Variants in AASDHPPT observed in about 807,000 individuals in gnomAD.
AASDHPPT encodes the protein L-aminoadipate-semialdehyde dehydrogenase-phosphopantetheinyl transferase.
In AASDHPPT, 23 loss-of-function variants were observed where a neutral mutation model predicts 36.4. That is an observed-to-expected ratio of 0.63 (90% confidence interval 0.45 to 0.89). The LOEUF (loss-of-function observed/expected upper bound fraction) is 0.89, where lower values mean the gene tolerates loss of function less well. AASDHPPT is among the 40% of genes least tolerant of loss of function. AASDHPPT has a pLI of 0.00. For synonymous variants in AASDHPPT, 115 were observed against 128.0 expected (o/e 0.90, Z 0.68); for missense variants, 377 against 378.2 (o/e 1.00, Z 0.03).
In AASDHPPT at chr11:106,079,622, A is replaced by G; in HGVS notation, c.339A>G (p.Gly113=). 1 of 1,614,206 alleles carries G rather than the reference A, an allele frequency of 6.2e-7. No individual in the cohort carries two copies. The highest frequency in any genetic ancestry group is 8.5e-7 in the Non-Finnish European group (1 of 1,180,024). The change falls in exon 2 of 6, where the codon GGA becomes GGG. Residue 113 remains glycine (G), a synonymous_variant. Transcript: ENST00000278618. ...TCAACTTTAACATCTCTCATCAAGG[A>G]GACTATGCAGTGCTTGCTGCTGAAC... is the stretch of plus-strand genomic sequence containing the variant. ...PNFNFNISHQ[G]DYAVLAAEPE... is the part of the protein sequence containing the mutation.
chr11:106,091,275 GT>G, intron 3 of AASDHPPT, 40 bp from the exon 4 acceptor site: 1 of 1,547,432 alleles, frequency 6.5e-7, no homozygotes, highest in East Asian at 2.3e-5. Flanking sequence ...AAAAATTTTT[GT>G]CCACCAAATT....
intron 4 of AASDHPPT, 94 bp from the exon 5 acceptor site, chr11:106,094,485 TATAG>T (rs1347208330): frequency 5.8e-5 from 48 of 826,894 alleles, no homozygotes; most frequent in Middle Eastern, 3.7e-4. Flanking sequence ...TGTATATATA[TATAG>T]AGAGAGAGAG....
intron 3 of AASDHPPT, 78 bp from the exon 4 acceptor site, chr11:106,091,238 C>G: frequency 7.7e-7 from 1 of 1,298,600 alleles, no homozygotes. Flanking sequence ...TTGAAACTCC[C>G]TATCTTTTGG....
chr11:106,077,941 G>T lies in AASDHPPT; in HGVS notation c.183+48G>T, dbSNP rs756208977. 6 of 1,585,826 alleles carry T rather than the reference G, an allele frequency of 3.8e-6. No homozygotes were observed. The Admixed American group carries it at 8.5e-5, about 23-fold the overall frequency. ...TTTAGAGCCTAGGAAGCAGATCTTGGGGGAGGCGGGCCGGGCTGTGGAGAC... is the reference window on the plus strand; with the variant it reads ...TTTAGAGCCTAGGAAGCAGATCTTGTGGGAGGCGGGCCGGGCTGTGGAGAC... On this transcript the variant is annotated intron_variant, in intron 1 of 5. Coordinates refer to ENST00000278618, the MANE Select transcript of AASDHPPT (RefSeq NM_015423.3).
chr11:106,085,155 G>A (rs1861184534), intron 2 of AASDHPPT, among the ~76,000 whole-genome samples: 1 of 151,830 alleles, frequency 6.6e-6, no homozygotes, highest in African/African-American at 2.4e-5. Context: ...AGGCTGGAGT[G>A]CAGTGGCGTG....
chr11:106,084,636 A>C (rs893803810), intron 2 of AASDHPPT, among the ~76,000 whole-genome samples: 3 of 151,456 alleles, frequency 2.0e-5, no homozygotes, highest in Non-Finnish European at 4.4e-5. Context: ...TATATAGCAG[A>C]ATCTTTTTTT....
rs545266531 is a variant in AASDHPPT, at chr11:106,097,686, A to T, written c.*779A>T. 2.6e-5 allele frequency: 4 copies of T among 152,248 alleles called. No homozygotes were observed. In the South Asian group the frequency reaches 8.3e-4, roughly 32 times the overall value. 9.4% of individuals were successfully genotyped at this position (152,248 alleles called of 1,614,324 possible). On this transcript the variant is annotated 3_prime_UTR_variant, in exon 6 of 6. Transcript: ENST00000278618. ...ATTTCGTCTCTCATTTGTTTTATCC[A>T]TGAGGAAGATTTTTAACAAAAGCCT... is the stretch of plus-strand genomic sequence containing the variant.
chr11:106,098,649 TTTGTC>T lies in AASDHPPT; in HGVS notation c.*1748_*1752del, dbSNP rs1456099648. 10 of 152,054 alleles carry T rather than the reference TTTGTC, an allele frequency of 6.6e-5. No homozygotes were observed. The highest frequency in any genetic ancestry group is 2.4e-4 in the African/African-American group (10 of 41,426). The allele number at this position is 152,054 out of a possible 1,614,324, so 9.4% of individuals were successfully genotyped here. On this transcript the variant is annotated 3_prime_UTR_variant, in exon 6 of 6. Coordinates refer to ENST00000278618, the MANE Select transcript of AASDHPPT (RefSeq NM_015423.3). ...TGAGTGTAATGGTGATATGAAAAAC[TTTGTC>T]TTGTCATTATAATAATAAAAAAATG...
chr11:106,080,191 G>A (rs914866008), intron 2 of AASDHPPT, among the ~76,000 whole-genome samples: 1 of 152,030 alleles, frequency 6.6e-6, no homozygotes, highest in Non-Finnish European at 1.5e-5. Context: ...ACAATCAAAC[G>A]TGTATCAAGA....
At chr11:106,091,179 G>GTT in intron 3 of AASDHPPT, 137 bp from the exon 4 acceptor site, 2 of 681,954 alleles carry the variant, frequency 2.9e-6, no homozygotes, top group African/African-American at 1.9e-5. Flanking sequence ...TGCTGTAAGG[G>GTT]TTTTTTTTTA....
At chr11:106,095,068 G>C (rs900192519) in intron 5 of AASDHPPT, among the ~76,000 whole-genome samples, 7 of 152,108 alleles carry the variant, frequency 4.6e-5, no homozygotes, top group Non-Finnish European at 1.0e-4. Flanking sequence ...GGAGGTTGCA[G>C]TGCACCAAGA....
intron 2 of AASDHPPT, among the ~76,000 whole-genome samples, chr11:106,083,708 C>T (rs1048181258): frequency 9.9e-5 from 15 of 151,990 alleles, no homozygotes; most frequent in African/African-American, 3.6e-4. Context: ...TTAAATGGTG[C>T]TGGTAGAATT....
At chr11:106,091,884 A>G (rs2135043928) in intron 4 of AASDHPPT, 1 of 154,494 alleles carries the variant, frequency 6.5e-6, no homozygotes, top group Non-Finnish European at 1.4e-5. Flanking sequence ...CCTGGTTGCT[A>G]GTGAGAGAAG....
intron 2 of AASDHPPT, among the ~76,000 whole-genome samples, chr11:106,085,367 C>T (rs570095683): frequency 5.3e-5 from 8 of 152,312 alleles, no homozygotes; most frequent in Admixed American, 3.9e-4. Context: ...TCCCAAAGTG[C>T]TGGGATTACA....
intron 2 of AASDHPPT, among the ~76,000 whole-genome samples, chr11:106,084,398 AATT>A (rs1380636554): frequency 6.6e-6 from 1 of 152,198 alleles, no homozygotes; most frequent in Non-Finnish European, 1.5e-5. Flanking sequence ...TTCTGCAGAT[AATT>A]ATTAGCTGTA....
At chr11:106,093,292 C>T (rs535961979) in intron 4 of AASDHPPT, 2 of 152,124 alleles carry the variant, frequency 1.3e-5, no homozygotes, top group Admixed American at 6.6e-5. Context: ...TGTACATACA[C>T]CTCTCATTAT....
At position 106,077,755 on chromosome 11, in the gene AASDHPPT, G is replaced by A. The variant is rs1286081650; in HGVS notation, c.45G>A (p.Glu15=). The change falls in exon 1 of 6, where the codon GAG becomes GAA. Residue 15 remains glutamate (E), a synonymous_variant. Transcript: ENST00000278618. ...GGTTCTGCTTGGTGCCATCCATGGA[G>A]GGCGTGCGCTGGGCCTTTTCCTGCG... ...AKRFCLVPSM[E]GVRWAFSCGT... 6.2e-7 allele frequency: 1 copy of A among 1,614,078 alleles called. No homozygotes were observed. The highest frequency in any genetic ancestry group is 1.3e-5 in the African/African-American group (1 of 74,952).
In AASDHPPT at chr11:106,097,283, A is replaced by G. The variant is rs1274711131; in HGVS notation, c.*376A>G. 5.8e-6 allele frequency: 1 copy of G among 173,872 alleles called. No individual in the cohort carries two copies. The highest frequency in any genetic ancestry group is 1.2e-5 in the Non-Finnish European group (1 of 83,390). 10.8% of individuals were successfully genotyped at this position (173,872 alleles called of 1,614,324 possible). Reference sequence around the variant, plus strand: ...CCTTTTTCTTGGCAAATGAATCCATATTGACATATTTGATTTTTTTAAAAA... The same window carrying G: ...CCTTTTTCTTGGCAAATGAATCCATGTTGACATATTTGATTTTTTTAAAAA... On this transcript the variant is annotated 3_prime_UTR_variant, in exon 6 of 6. Coordinates refer to ENST00000278618, the MANE Select transcript of AASDHPPT (RefSeq NM_015423.3).
In AASDHPPT at chr11:106,098,081, A is replaced by G. The variant is rs911359640; in HGVS notation, c.*1174A>G. 3 of 152,096 alleles carry G rather than the reference A, an allele frequency of 2.0e-5. No homozygotes were observed. The highest frequency in any genetic ancestry group is 4.8e-5 in the African/African-American group (2 of 41,444). 9.4% of individuals were successfully genotyped at this position (152,096 alleles called of 1,614,324 possible). ...ACAATTTACCCCTCTAATTAGTACT[A>G]TATGTATGTGACTTCCCTCCCCCTG... On this transcript the variant is annotated 3_prime_UTR_variant, in exon 6 of 6. Transcript: ENST00000278618.
Sources: gnomAD v4.1 joint callset for allele counts (sites outside exome capture counted in the v4.1 genomes callset) on GRCh38, gnomAD v4.1.1 for gene constraint, MANE v1.5 for transcripts, NCBI Gene and HGNC (gene_info 2026-07-23, HGNC 2026-07-21) for gene names.